CCNE1: variants seen among roughly 807,000 people sequenced by gnomAD.
The protein encoded by CCNE1 is G1/S-specific cyclin-E1.
In CCNE1, 8 loss-of-function variants were observed where a neutral mutation model predicts 54.1. That is an observed-to-expected ratio of 0.15 (90% confidence interval 0.09 to 0.27). CCNE1 has a LOEUF of 0.27. CCNE1 is among the 10% of genes least tolerant of loss of function. CCNE1 has a pLI of 1.00. For missense variants in CCNE1, 430 were observed against 514.9 expected (o/e 0.84, Z 1.60); for synonymous variants, 179 against 185.2 (o/e 0.97, Z 0.27).
intron 6 of CCNE1, 50 bp from the exon 7 acceptor site, chr19:29,820,648 CCCCT>C (rs1974126913): frequency 3.7e-6 from 4 of 1,092,090 alleles, no homozygotes; most frequent in African/African-American, 1.8e-5. Context: ...TTTTTTTTTT[CCCCT>C]CCCTCAAGTA....
At chr19:29,812,510 C>CCAGGGGTACTGGGCCCG (rs1263419729) in intron 1 of CCNE1, 22 bp from the exon 2 acceptor site, 3 of 1,281,050 alleles carry the variant, frequency 2.3e-6, no homozygotes, top group Non-Finnish European at 2.9e-6. Flanking sequence ...CCGCCGCCGC[C>CCAGGGGTACTGGGCCCG]TCACCCCGCG....
intron 4 of CCNE1, among the ~76,000 whole-genome samples, chr19:29,813,679 A>AT (rs5827671): frequency 0.32 from 47,906 of 151,190 alleles, 8,214 homozygotes; most frequent in Non-Finnish European, 0.4. Flanking sequence ...GTCTCAATAC[A>AT]TTTTTTTTTG....
At chr19:29,823,410 G>A (rs1974198035) in intron 11 of CCNE1, among the ~76,000 whole-genome samples, 1 of 152,132 alleles carries the variant, frequency 6.6e-6, no homozygotes, top group Non-Finnish European at 1.5e-5. Flanking sequence ...TGGACATGGT[G>A]GCGGGTGCCT....
At chr19:29,812,197 A>C (rs1330413841) in intron 1 of CCNE1, 45 bp downstream of exon 1, 1 of 151,204 alleles carries the variant, frequency 6.6e-6, no homozygotes, top group Non-Finnish European at 1.5e-5. Flanking sequence ...CCTGGGGCCC[A>C]GACCGCGCCG....
At chr19:29,821,021 G>C (rs976293711) in intron 7 of CCNE1, among the ~76,000 whole-genome samples, 173 bp downstream of exon 7, 3 of 152,066 alleles carry the variant, frequency 2.0e-5, no homozygotes, top group Non-Finnish European at 4.4e-5. Flanking sequence ...AAAGTGACCA[G>C]GAAGAGAAAA....
chr19:29,821,508 G>A (rs779213328), intron 7 of CCNE1, among the ~76,000 whole-genome samples: 51 of 149,118 alleles, frequency 3.4e-4, no homozygotes, highest in Admixed American at 2.6e-3. Flanking sequence ...ATGAGTCAAA[G>A]TTCCATCCAT....
chr19:29,812,799 G>A (rs1337612825), intron 3 of CCNE1, 23 bp downstream of exon 3: 2 of 1,529,514 alleles, frequency 1.3e-6, no homozygotes, highest in Admixed American at 2.1e-5. Context: ...GAGACAGGTT[G>A]GGGAGCATCC....
At chr19:29,813,073 C>T in intron 4 of CCNE1, 36 bp downstream of exon 4, 2 of 1,582,458 alleles carry the variant, frequency 1.3e-6, no homozygotes, top group Admixed American at 1.7e-5. Context: ...TGTGGAGGTC[C>T]TTCTCCCCCT....
chr19:29,817,632 G>C (rs1372034289), intron 6 of CCNE1, 91 bp downstream of exon 6: 1 of 1,347,404 alleles, frequency 7.4e-7, no homozygotes, highest in Non-Finnish European at 1.1e-6. Context: ...TTATTCCCTC[G>C]ACATGTTCTC....
chr19:29,819,282 T>G (rs1221844941), intron 6 of CCNE1, among the ~76,000 whole-genome samples: 2 of 151,814 alleles, frequency 1.3e-5, no homozygotes, highest in Non-Finnish European at 2.9e-5. Context: ...ATTTGGACCA[T>G]TGGAGTGGCT....
intron 4 of CCNE1, 40 bp from the exon 5 acceptor site, chr19:29,817,097 G>T (rs1047210476): frequency 6.3e-7 from 1 of 1,599,968 alleles, no homozygotes; most frequent in Admixed American, 1.7e-5. Flanking sequence ...AGAGCTGTTT[G>T]CATCTTATCT....
chr19:29,823,809 C>A lies in CCNE1; in HGVS notation c.*32C>A. The stretch of plus-strand genomic sequence containing the variant: ...CATCCTTCTCCACCAAAGACAGTTG[C>A]GCGCCTGCTCCACGTTCTCTTCTGT... On this transcript the variant is annotated 3_prime_UTR_variant, in exon 12 of 12. Coordinates refer to ENST00000262643, the MANE Select transcript of CCNE1 (RefSeq NM_001238.4). 1.3e-6 allele frequency: 2 copies of A among 1,581,050 alleles called. No homozygotes were observed. Among genetic ancestry groups the A allele is most frequent in the Admixed American group, 1.8e-5 (1 of 55,456 alleles).
At chr19:29,821,915 A>T in intron 8 of CCNE1, 81 bp from the exon 9 acceptor site, 13 of 1,520,704 alleles carry the variant, frequency 8.5e-6, no homozygotes, top group Non-Finnish European at 1.1e-5. Flanking sequence ...CTCCAGCTGG[A>T]CACATTGTGG....
chr19:29,822,166 C>T (rs755455347), intron 9 of CCNE1, 36 bp downstream of exon 9: 23 of 1,611,756 alleles, frequency 1.4e-5, no homozygotes, highest in Non-Finnish European at 2.0e-5. Flanking sequence ...GGCCACCTTC[C>T]CTGCAGCTGG....
intron 6 of CCNE1, among the ~76,000 whole-genome samples, chr19:29,819,831 TG>T (rs1974108786): frequency 6.6e-6 from 1 of 152,202 alleles, no homozygotes; most frequent in South Asian, 2.1e-4. Flanking sequence ...CAGGCAGACC[TG>T]CTTCATGAAA....
intron 6 of CCNE1, among the ~76,000 whole-genome samples, chr19:29,819,332 G>A (rs958356956): frequency 6.6e-6 from 1 of 151,824 alleles, no homozygotes; most frequent in Non-Finnish European, 1.5e-5. Flanking sequence ...ACCCAAGCTG[G>A]AGTGTAGTGG....
At chr19:29,813,465 AACTTTCCC>A in intron 4 of CCNE1, 2 of 159,160 alleles carry the variant, frequency 1.3e-5, no homozygotes, top group Non-Finnish European at 1.4e-5. Flanking sequence ...TATAAGCAAC[AACTTTCCC>A]CCTATCTACA....
At chr19:29,817,307 C>G (rs1422169309) in intron 5 of CCNE1, 25 bp downstream of exon 5, 3 of 1,614,052 alleles carry the variant, frequency 1.9e-6, no homozygotes, top group East Asian at 4.5e-5. Context: ...TGCCACATGG[C>G]TTCCAGGTCT....
In CCNE1 at chr19:29,817,588, C is replaced by G. The variant is rs1457610287; in HGVS notation, c.462+47C>G. 2.5e-6 allele frequency: 4 copies of G among 1,611,362 alleles called. No homozygotes were observed. The African/African-American group carries it at 4.0e-5, about 16-fold the overall frequency. ...CGCTTCATGAAAGCACTGAGCATTTCCAGCATTTTTGTGTATTAGGACCTC... is the reference window on the plus strand; with the variant it reads ...CGCTTCATGAAAGCACTGAGCATTTGCAGCATTTTTGTGTATTAGGACCTC... On this transcript the variant is annotated intron_variant, in intron 6 of 11. Coordinates refer to ENST00000262643, the MANE Select transcript of CCNE1 (RefSeq NM_001238.4).
Sources: gnomAD v4.1 joint callset for allele counts (sites outside exome capture counted in the v4.1 genomes callset) on GRCh38, gnomAD v4.1.1 for gene constraint, MANE v1.5 for transcripts, NCBI Gene and HGNC (gene_info 2026-07-23, HGNC 2026-07-21) for gene names.